The following FZR1 variants were observed in gnomAD, a reference collection of about 807,000 sequenced individuals.
FZR1 encodes the protein fizzy-related protein homolog.
Under a neutral mutation model 63.6 loss-of-function variants are expected in FZR1, and 11 were observed. That is an observed-to-expected ratio of 0.17 (90% CI 0.11 to 0.29). The LOEUF (loss-of-function observed/expected upper bound fraction) is 0.29. FZR1 is among the 10% of genes least tolerant of loss of function. The pLI is 1.00. For missense variants in FZR1, 440 were observed against 687.5 expected, an observed-to-expected ratio of 0.64 and a Z score of 4.03; for synonymous variants, 328 against 297.9, an observed-to-expected ratio of 1.10 and a Z score of -1.04.
At position 3,526,447 on chromosome 19, in the gene FZR1, A is replaced by G. The variant is rs537998539; in HGVS notation, c.387+61A>G. On this transcript the variant is annotated intron_variant, in intron 5 of 13. Coordinates refer to ENST00000441788, the MANE Select transcript of FZR1 (RefSeq NM_016263.4). This position sits in a 1 kb window ranked among gnomAD's most constrained non-coding sequence, Gnocchi z 5.4. Reference sequence around the variant, plus strand: ...CCCAGTGCAGCCTCCCCGGCCCCCCACCTCCCAGGCACCAGCTCTGCCTCC... The same window carrying G: ...CCCAGTGCAGCCTCCCCGGCCCCCCGCCTCCCAGGCACCAGCTCTGCCTCC... 8 of 1,381,386 alleles carry G rather than the reference A, an allele frequency of 5.8e-6. No individual in the cohort carries two copies. In the South Asian group the frequency reaches 9.0e-5, roughly 16 times the overall value. The allele number at this position is 1,381,386 out of a possible 1,614,324, so 85.6% of individuals were successfully genotyped here. A position where few individuals can be genotyped will look rare whatever the true frequency, so the allele number is the denominator to read the frequency against.
rs769571726 is a variant in FZR1 at position 3,530,886 on chromosome 19, G to T, written c.720+29G>T. 7 of 1,572,718 alleles carry T rather than the reference G, an allele frequency of 4.5e-6. No homozygotes were observed. In the South Asian group the frequency reaches 7.8e-5, roughly 18 times the overall value. ...AGTGCAGAGGGCTTGGCCCCCACCT[G>T]GGAGATCTGATGGGGCTCTTGACAG... On this transcript the variant is annotated intron_variant, in intron 8 of 13. Coordinates refer to ENST00000441788, the MANE Select transcript of FZR1 (RefSeq NM_016263.4).
intron 1 of FZR1, among the ~76,000 whole-genome samples, chr19:3,509,715 T>A (rs1203088544): frequency 6.6e-6 from 1 of 152,206 alleles, no homozygotes; most frequent in Non-Finnish European, 1.5e-5. Context: ...TGTGGCCTTT[T>A]GTGTCTGGCA....
rs1009615547 is a variant in FZR1, at chr19:3,531,749, C to T, written c.756C>T (p.Phe252=). 52 of 1,549,810 alleles carry T rather than the reference C, an allele frequency of 3.4e-5. No individual in the cohort carries two copies. Among genetic ancestry groups the T allele is most frequent in the Non-Finnish European group, 4.3e-5 (49 of 1,146,616 alleles). ...TGGCGGTGGGCACACACAAGGGCTT[C>T]GTGCAGATCTGGGACGCAGCCGCAG... ...NLVAVGTHKG[F]VQIWDAAAGK... is the part of the protein sequence containing the mutation. The change falls in exon 9 of 14, where the codon TTC becomes TTT. Residue 252 remains phenylalanine, a synonymous_variant. Transcript: ENST00000441788.
chr19:3,533,948 T>G lies in FZR1; in HGVS notation c.1348-473T>G, dbSNP rs1255801113. ...CAAAAATGCTCCAACCTTGGCTAGG[T>G]GCGGTGGCTCACGCCTGTAATCCCT... On this transcript the variant is annotated intron_variant, in intron 12 of 13. Coordinates refer to ENST00000441788, the MANE Select transcript of FZR1 (RefSeq NM_016263.4). The surrounding 1 kb of genome is among the most constrained non-coding windows in gnomAD (Gnocchi z 4.9). 6.6e-6 allele frequency among the ~76,000 whole-genome samples: 1 copy of G among 151,976 alleles called. No individual in the cohort carries two copies. The highest frequency in any genetic ancestry group is 2.4e-5 in the African/African-American group (1 of 41,364).
At chr19:3,509,186 C>T (rs1264492978) in intron 1 of FZR1, among the ~76,000 whole-genome samples, 1 of 152,246 alleles carries the variant, frequency 6.6e-6, no homozygotes, top group Admixed American at 6.5e-5. Context: ...CTTATGTTCT[C>T]GTCCAGGGAC....
At chr19:3,512,512 C>G (rs60085644) in intron 1 of FZR1, among the ~76,000 whole-genome samples, 5,628 of 152,324 alleles carry the variant, frequency 0.037, 344 homozygotes, top group African/African-American at 0.13. Context: ...AAAGCCCACA[C>G]TCTTTCTGAT....
Position 3,534,965 on chromosome 19 carries a change from G to GCCTGGAGGAT in FZR1, c.*137_*146dup. On this transcript the variant is annotated 3_prime_UTR_variant, in exon 14 of 14. Transcript: ENST00000441788. Reference sequence around the variant, plus strand: ...GGCGGCTGGGCGGGCGGGGAGCTGGGCCTGGAGGATCCTGGAGTCTCATTA... The same window carrying GCCTGGAGGAT: ...GGCGGCTGGGCGGGCGGGGAGCTGGGCCTGGAGGATCCTGGAGGATCCTGGAGTCTCATTA... 1 of 744,348 alleles carries GCCTGGAGGAT rather than the reference G, an allele frequency of 1.3e-6. No homozygotes were observed. Among genetic ancestry groups the GCCTGGAGGAT allele is most frequent in the Non-Finnish European group, 2.4e-6 (1 of 423,784 alleles). The allele number at this position is 744,348 out of a possible 1,614,324, so 46.1% of individuals were successfully genotyped here. A position where few individuals can be genotyped will look rare whatever the true frequency, so the allele number is the denominator to read the frequency against.
Position 3,516,444 on chromosome 19 carries a change from G to A in FZR1, c.-34-6512G>A, listed in dbSNP as rs139746882. ...TGCCCTGCGGACTCCCAATTTTCCC[G>A]GTGTTGAATTCCACAGCCATGCCTC... On this transcript the variant is annotated intron_variant, in intron 1 of 13. Coordinates refer to ENST00000441788, the MANE Select transcript of FZR1 (RefSeq NM_016263.4). The surrounding 1 kb of genome is among the most constrained non-coding windows in gnomAD (Gnocchi z 6.0). Among the ~76,000 whole-genome samples the A allele has an allele frequency of 1.3e-5, 2 of 152,306 alleles. No individual in the cohort carries two copies. The highest frequency in any genetic ancestry group is 1.9e-4 in the East Asian group (1 of 5,188).
intron 2 of FZR1, among the ~76,000 whole-genome samples, chr19:3,523,756 G>T (rs981546396): frequency 6.6e-6 from 1 of 152,268 alleles, no homozygotes; most frequent in Non-Finnish European, 1.5e-5. Flanking sequence ...TGCATAGACG[G>T]GTCTGAGGGG....
chr19:3,529,386 AGATGGGTGAGCG>A (rs1401872671), intron 7 of FZR1, among the ~76,000 whole-genome samples: 1 of 70,094 alleles, frequency 1.4e-5, no homozygotes, highest in Admixed American at 1.3e-4. Context: ...ATGGGAGAGC[AGATGGGTGAGCG>A]GATGGGAGAG....
At position 3,526,968 on chromosome 19, in the gene FZR1, C is replaced by G; in HGVS notation, c.388-12C>G. 1 of 1,603,244 alleles carries G rather than the reference C, an allele frequency of 6.2e-7. No homozygotes were observed. The highest frequency in any genetic ancestry group is 1.7e-5 in the Admixed American group (1 of 59,992). On this transcript the variant is annotated splice_polypyrimidine_tract_variant and intron_variant, in intron 5 of 13. Transcript: ENST00000441788. This position sits in a 1 kb window ranked among gnomAD's most constrained non-coding sequence, Gnocchi z 5.4. The stretch of plus-strand genomic sequence containing the variant: ...GGGCGTGCGCTCAGCTGGCATGTCC[C>G]CCGCTCCACAGTATTCCCTTAGCAC...
intron 1 of FZR1, among the ~76,000 whole-genome samples, chr19:3,512,945 C>T (rs563938303): frequency 6.6e-6 from 1 of 152,280 alleles, no homozygotes; most frequent in South Asian, 2.1e-4. Context: ...CTGGGTGACC[C>T]CCCATTTTTT....
intron 10 of FZR1, 88 bp downstream of exon 10, chr19:3,532,183 G>T (rs1045766030): frequency 1.6e-6 from 2 of 1,261,516 alleles, no homozygotes; most frequent in African/African-American, 1.5e-5. Context: ...GCTGGGGCGG[G>T]CGCGGGCGCG....
rs2083053346 is a variant in FZR1 at position 3,515,626 on chromosome 19, C to A, written c.-34-7330C>A. Among the ~76,000 whole-genome samples the A allele has an allele frequency of 6.6e-6, 1 of 151,970 alleles. No individual in the cohort carries two copies. The highest frequency in any genetic ancestry group is 2.1e-4 in the South Asian group (1 of 4,800). The stretch of plus-strand genomic sequence containing the variant: ...TACTAAAAATACAAAAAATTAGGCA[C>A]TACAGTGGCGGGCCCCTGTAGTCCC... On this transcript the variant is annotated intron_variant, in intron 1 of 13. Coordinates refer to ENST00000441788, the MANE Select transcript of FZR1 (RefSeq NM_016263.4). The surrounding 1 kb of genome is among the most constrained non-coding windows in gnomAD (Gnocchi z 4.6).
chr19:3,519,160 G>C (rs928100967), intron 1 of FZR1, among the ~76,000 whole-genome samples: 1 of 152,228 alleles, frequency 6.6e-6, no homozygotes, highest in Admixed American at 6.5e-5. Context: ...CTCCAGGACC[G>C]TGGGGAGCAT....
chr19:3,522,339 CTTGG>C (rs1456892372), intron 1 of FZR1, among the ~76,000 whole-genome samples: 2 of 152,210 alleles, frequency 1.3e-5, no homozygotes, highest in Non-Finnish European at 2.9e-5. Context: ...ATGCCACCCC[CTTGG>C]AGGGGCCTTC....
At chr19:3,534,268 C>G in intron 12 of FZR1, 153 bp from the exon 13 acceptor site, 1 of 485,728 alleles carries the variant, frequency 2.1e-6, no homozygotes, top group Non-Finnish European at 3.7e-6. Flanking sequence ...TTGGTTTCTG[C>G]TTGTGGTGGC....
Position 3,512,182 on chromosome 19 carries a change from A to G in FZR1, c.-35+5708A>G, listed in dbSNP as rs956515176. Among the ~76,000 whole-genome samples the G allele has an allele frequency of 7.9e-5, 12 of 152,322 alleles. No individual in the cohort carries two copies. The East Asian group carries it at 2.3e-3, about 29-fold the overall frequency. Reference sequence around the variant, plus strand: ...AAGGCACCGCCATGCCCAAGGACGAAGGAGCAGGGAGCAGTCTGGGGACCT... The same window carrying G: ...AAGGCACCGCCATGCCCAAGGACGAGGGAGCAGGGAGCAGTCTGGGGACCT... On this transcript the variant is annotated intron_variant, in intron 1 of 13. Coordinates refer to ENST00000441788, the MANE Select transcript of FZR1 (RefSeq NM_016263.4).
Position 3,533,447 on chromosome 19 carries a change from T to TGCCATG in FZR1, c.1347+54_1347+59dup, listed in dbSNP as rs1254911199. On this transcript the variant is annotated intron_variant, in intron 12 of 13. Coordinates refer to ENST00000441788, the MANE Select transcript of FZR1 (RefSeq NM_016263.4). The surrounding 1 kb of genome is among the most constrained non-coding windows in gnomAD (Gnocchi z 4.9). ...AGGTGCCCCGGGATTCTGGACAAAC[T>TGCCATG]GCCATGGCCACCCCAGAGCACCCTG... 8.8e-7 allele frequency: 1 copy of TGCCATG among 1,135,506 alleles called. No individual in the cohort carries two copies. The highest frequency in any genetic ancestry group is 1.2e-5 in the South Asian group (1 of 81,102). The allele number at this position is 1,135,506 out of a possible 1,614,324, so 70.3% of individuals were successfully genotyped here. A position where few individuals can be genotyped will look rare whatever the true frequency, so the allele number is the denominator to read the frequency against.
Sources: allele counts gnomAD v4.1 joint callset (sites outside exome capture counted in the v4.1 genomes callset), GRCh38; gene constraint gnomAD v4.1.1; non-coding constraint Gnocchi (gnomAD v3.1); transcripts MANE v1.5; gene names NCBI Gene and HGNC (gene_info 2026-07-23, HGNC 2026-07-21).